DNAH3: variants seen among roughly 807,000 people sequenced by gnomAD.
The protein encoded by DNAH3 is axonemal beta dynein heavy chain 3.
Under a neutral mutation model 432.5 loss-of-function variants are expected in DNAH3, and 332 were observed. The ratio of observed to expected loss-of-function variants is 0.77; its 90% CI spans 0.70 to 0.84. The LOEUF is 0.84. Ranked by LOEUF, DNAH3 falls within the 40% of genes least tolerant of loss-of-function variation. The pLI is 0.00. For missense variants in DNAH3, 4,861 were observed against 5,114.0 expected (o/e 0.95, Z 1.51); for synonymous variants, 1,956 against 1,900.2 (o/e 1.03, Z -0.76).
chr16:20,996,579 C>T lies in DNAH3; in HGVS notation c.6601+704G>A, dbSNP rs374433444. On this transcript the variant is annotated intron_variant, in intron 44 of 61. Coordinates refer to ENST00000261383, the Ensembl canonical transcript of DNAH3. ...GGTTCAAGCGATTGTCCTGCCTCAG[C>T]CTCCCAAGTAGCTGGACTACAGGCA... Among the ~76,000 whole-genome samples, 191 of 152,270 alleles carry T rather than the reference C, an allele frequency of 1.3e-3. 7 individuals carry two copies. The South Asian group carries it at 0.039, about 31-fold the overall frequency.
At chr16:20,995,875 A>G (rs998917418) in intron 44 of DNAH3, among the ~76,000 whole-genome samples, 1 of 152,130 alleles carries the variant, frequency 6.6e-6, no homozygotes, top group Non-Finnish European at 1.5e-5. Flanking sequence ...CTCCTCTCAC[A>G]TGGGCCAGCA....
chr16:21,068,325 T>TGGGGGG (rs10547729), intron 23 of DNAH3, among the ~76,000 whole-genome samples: 57 of 76,488 alleles, frequency 7.5e-4, no homozygotes, highest in South Asian at 3.6e-3. Context: ...TTTTTTTGGG[T>TGGGGGG]GGGGGGGGGG....
intron 15 of DNAH3, chr16:21,104,557 C>A: frequency 6.2e-7 from 1 of 1,613,470 alleles, no homozygotes; most frequent in Non-Finnish European, 8.5e-7. Flanking sequence ...TCTGGTCTGG[C>A]CAGAGGAACA....
At chr16:20,943,878 G>C (rs1332536913) in intron 58 of DNAH3, among the ~76,000 whole-genome samples, 2 of 152,084 alleles carry the variant, frequency 1.3e-5, no homozygotes, top group African/African-American at 4.8e-5. Context: ...CAGCTACTCG[G>C]GAGGCTGAGG....
At chr16:21,077,681 C>A (rs1238704886) in intron 20 of DNAH3, among the ~76,000 whole-genome samples, 1 of 152,088 alleles carries the variant, frequency 6.6e-6, no homozygotes, top group Non-Finnish European at 1.5e-5. Context: ...AGATCTGGGT[C>A]CTAAAACCGA....
chr16:20,949,173 A>G (rs78726620), intron 56 of DNAH3, among the ~76,000 whole-genome samples: 12,614 of 148,904 alleles, frequency 0.085, 603 homozygotes, highest in East Asian at 0.17. Context: ...ACGCTGACCC[A>G]CCACTGGGCG....
chr16:21,070,800 A>G (rs201058172), exon 22 of DNAH3: 4 of 1,610,788 alleles, frequency 2.5e-6, no homozygotes, highest in Non-Finnish European at 3.4e-6. Flanking sequence ...TTTGAATGTC[A>G]TCAATTGCAC....
At chr16:21,099,235 T>C (rs2091772527) in intron 16 of DNAH3, among the ~76,000 whole-genome samples, 1 of 130,870 alleles carries the variant, frequency 7.6e-6, no homozygotes, top group South Asian at 2.4e-4. Context: ...ACAATAGACA[T>C]GGATGGATGG....
chr16:20,975,410 C>T (rs756063789), exon 51 of DNAH3: 54 of 1,613,332 alleles, frequency 3.3e-5, no homozygotes, highest in Non-Finnish European at 4.4e-5. Flanking sequence ...TTTGCATAAC[C>T]GCTACCTAGC....
intron 30 of DNAH3, 45 bp from the exon 31 acceptor site, chr16:21,049,727 C>A: frequency 6.4e-7 from 1 of 1,567,912 alleles, no homozygotes; most frequent in South Asian, 1.1e-5. Context: ...TGGATTCCAT[C>A]CCATCTGAAT....
exon 47 of DNAH3, chr16:20,987,340 T>A (rs757123697): frequency 6.2e-7 from 1 of 1,614,180 alleles, no homozygotes; most frequent in Non-Finnish European, 8.5e-7. Flanking sequence ...TTGGAGGTGG[T>A]TTCCTTCACC....
intron 52 of DNAH3, 108 bp from the exon 53 acceptor site, chr16:20,965,533 G>T: frequency 3.1e-6 from 3 of 961,492 alleles, no homozygotes; most frequent in Non-Finnish European, 1.5e-6. Context: ...ACAAAAACAT[G>T]GTCTGAGAGG....
intron 52 of DNAH3, among the ~76,000 whole-genome samples, chr16:20,968,405 G>C (rs1052207953): frequency 2.0e-5 from 3 of 152,160 alleles, no homozygotes; most frequent in African/African-American, 7.2e-5. Context: ...CAGAAAGAAT[G>C]AAGGAATAGC....
chr16:21,062,632 C>T (rs1425694087), exon 25 of DNAH3: 2 of 1,613,950 alleles, frequency 1.2e-6, no homozygotes, highest in South Asian at 1.1e-5. Context: ...GGAGAGGGTC[C>T]TTTGTCTCGG....
chr16:20,982,981 G>T, intron 48 of DNAH3, 95 bp from the exon 49 acceptor site: 1 of 1,410,184 alleles, frequency 7.1e-7, no homozygotes, highest in Non-Finnish European at 9.9e-7. Flanking sequence ...TGGGGTAAGT[G>T]GGGGCAGGCT....
chr16:21,122,752 C>A (rs1188048036), intron 9 of DNAH3, among the ~76,000 whole-genome samples: 2 of 151,994 alleles, frequency 1.3e-5, no homozygotes, highest in Non-Finnish European at 2.9e-5. Context: ...TGTTTCTCAG[C>A]TGGATATAAT....
At chr16:21,026,461 G>C (rs940977674) in intron 38 of DNAH3, among the ~76,000 whole-genome samples, 2 of 152,070 alleles carry the variant, frequency 1.3e-5, no homozygotes, top group Admixed American at 1.3e-4. Flanking sequence ...TCCACACTTT[G>C]GGAGGCTGAG....
At chr16:20,936,595 C>T in intron 60 of DNAH3, 54 bp downstream of exon 60, 1 of 1,500,900 alleles carries the variant, frequency 6.7e-7, no homozygotes, top group East Asian at 2.5e-5. Flanking sequence ...TCAGAATGTC[C>T]TCTCCACCTA....
chr16:21,032,201 G>C (rs1041855115), intron 36 of DNAH3, among the ~76,000 whole-genome samples: 5 of 152,066 alleles, frequency 3.3e-5, no homozygotes, highest in African/African-American at 1.2e-4. Flanking sequence ...AATTAAAAAT[G>C]AAAAGAACAG....
Sources: gnomAD v4.1 joint callset for allele counts (sites outside exome capture counted in the v4.1 genomes callset) on GRCh38, gnomAD v4.1.1 for gene constraint, MANE v1.5 for transcripts, NCBI Gene and HGNC (gene_info 2026-07-23, HGNC 2026-07-21) for gene names.